MDFIC: variants seen among roughly 807,000 people sequenced by gnomAD.
MDFIC encodes the protein myoD family inhibitor domain-containing protein.
A neutral mutation model predicts 23.2 loss-of-function variants in MDFIC; 17 were observed. The observed-to-expected ratio is 0.73, with a 90% confidence interval of 0.50 to 1.10. MDFIC has a LOEUF of 1.10. Among genes scored for constraint, MDFIC ranks in the 50% least tolerant of loss-of-function variants. The pLI is 0.00. For missense variants in MDFIC, 356 were observed against 316.6 expected, an observed-to-expected ratio of 1.12 and a Z score of -0.95; for synonymous variants, 120 against 115.2, an observed-to-expected ratio of 1.04 and a Z score of -0.27.
intron 3 of MDFIC, among the ~76,000 whole-genome samples, chr7:114,977,053 T>C (rs1793330278): frequency 6.6e-6 from 1 of 152,156 alleles, no homozygotes. Flanking sequence ...AAAAGACTAA[T>C]TAAAACAGTA....
At chr7:114,976,825 C>T (rs917631566) in intron 3 of MDFIC, among the ~76,000 whole-genome samples, 5 of 151,896 alleles carry the variant, frequency 3.3e-5, no homozygotes, top group East Asian at 1.9e-4. Flanking sequence ...TAAACAATGG[C>T]TTACTAAAGA....
intron 4 of MDFIC, among the ~76,000 whole-genome samples, chr7:114,996,114 C>A (rs767226760): frequency 8.5e-5 from 13 of 152,178 alleles, no homozygotes; most frequent in Non-Finnish European, 1.9e-4. Context: ...CAGGCTATGG[C>A]AGATGGCTGA....
At chr7:114,954,316 C>G (rs1450876238) in intron 3 of MDFIC, among the ~76,000 whole-genome samples, 1 of 152,206 alleles carries the variant, frequency 6.6e-6, no homozygotes, top group Non-Finnish European at 1.5e-5. Context: ...CTTGTCTTCA[C>G]CTGACTGTTT....
intron 4 of MDFIC, among the ~76,000 whole-genome samples, chr7:115,006,935 G>GTTTTTGC (rs142192123): frequency 3.3e-5 from 5 of 152,170 alleles, no homozygotes; most frequent in African/African-American, 7.2e-5. Flanking sequence ...GTAAAGTATA[G>GTTTTTGC]TTTCTAGCTT....
chr7:114,989,838 G>C (rs1038199534), intron 4 of MDFIC, among the ~76,000 whole-genome samples: 1 of 152,130 alleles, frequency 6.6e-6, no homozygotes, highest in African/African-American at 2.4e-5. Flanking sequence ...CATTTATTGA[G>C]TTTGAATGGA....
rs543600080 is a variant in MDFIC at position 115,005,188 on chromosome 7, G to A, written c.494-10500G>A. Among the ~76,000 whole-genome samples, 18 of 152,254 alleles carry A rather than the reference G, an allele frequency of 1.2e-4. No homozygotes were observed. In the South Asian group the frequency reaches 3.7e-3, roughly 32 times the overall value. ...TATGTGTATCGACACCAAATGAAATGACCTGTTCAAGATATTCACTCAGGC... is the reference window on the plus strand; with the variant it reads ...TATGTGTATCGACACCAAATGAAATAACCTGTTCAAGATATTCACTCAGGC... On this transcript the variant is annotated intron_variant, in intron 4 of 4. Transcript: ENST00000393486.
intron 3 of MDFIC, among the ~76,000 whole-genome samples, chr7:114,943,855 T>C (rs1485135473): frequency 6.6e-6 from 1 of 152,154 alleles, no homozygotes; most frequent in Non-Finnish European, 1.5e-5. Context: ...TGTGCTTCAT[T>C]TAATTGGTTT....
At chr7:114,934,929 T>A (rs1404654408) in intron 2 of MDFIC, among the ~76,000 whole-genome samples, 1 of 152,114 alleles carries the variant, frequency 6.6e-6, no homozygotes, top group Non-Finnish European at 1.5e-5. Flanking sequence ...GTTTTTTTGT[T>A]TTTTTTGTTT....
At chr7:115,001,874 C>A (rs540522419) in intron 4 of MDFIC, among the ~76,000 whole-genome samples, 9 of 152,288 alleles carry the variant, frequency 5.9e-5, no homozygotes, top group African/African-American at 2.2e-4. Context: ...CACTGACTTA[C>A]AACTGTAATC....
intron 2 of MDFIC, among the ~76,000 whole-genome samples, chr7:114,928,861 G>C (rs571857625): frequency 5.9e-5 from 9 of 152,164 alleles, no homozygotes; most frequent in Non-Finnish European, 1.3e-4. Flanking sequence ...GGCAGCACCA[G>C]TAGGAGTAAA....
chr7:114,943,585 G>A (rs1792589229), intron 3 of MDFIC, among the ~76,000 whole-genome samples: 3 of 152,082 alleles, frequency 2.0e-5, no homozygotes, highest in Admixed American at 6.5e-5. Context: ...GATTTATATA[G>A]CTTTATCCAA....
At chr7:114,977,559 C>A (rs2115949278) in intron 3 of MDFIC, among the ~76,000 whole-genome samples, 1 of 152,278 alleles carries the variant, frequency 6.6e-6, no homozygotes, top group Non-Finnish European at 1.5e-5. Context: ...TCTCTTCTGG[C>A]AGAACTTAGG....
intron 3 of MDFIC, among the ~76,000 whole-genome samples, chr7:114,961,955 C>T (rs767316995): frequency 3.3e-5 from 5 of 152,108 alleles, no homozygotes; most frequent in Non-Finnish European, 7.4e-5. Context: ...ATACCTTCCA[C>T]CCTCTCTTAC....
chr7:114,992,872 T>C (rs1159608114), intron 4 of MDFIC, among the ~76,000 whole-genome samples: 1 of 152,180 alleles, frequency 6.6e-6, no homozygotes, highest in African/African-American at 2.4e-5. Flanking sequence ...ATAAAATGAG[T>C]TAGGGAGGAT....
At chr7:114,928,852 G>C (rs1792248405) in intron 2 of MDFIC, among the ~76,000 whole-genome samples, 1 of 152,164 alleles carries the variant, frequency 6.6e-6, no homozygotes, top group East Asian at 1.9e-4. Flanking sequence ...AGGACTTAGG[G>C]CAGCACCAGT....
chr7:114,976,864 T>C (rs1053257263), intron 3 of MDFIC, among the ~76,000 whole-genome samples: 30 of 152,256 alleles, frequency 2.0e-4, no homozygotes, highest in Non-Finnish European at 1.6e-4. Context: ...GTCTTTTTTT[T>C]TTCTGAAAAA....
At chr7:114,949,145 T>C (rs1002884493) in intron 3 of MDFIC, among the ~76,000 whole-genome samples, 3 of 152,216 alleles carry the variant, frequency 2.0e-5, no homozygotes, top group South Asian at 4.1e-4. Flanking sequence ...TTCACTTTTA[T>C]TATATTCTAT....
chr7:114,975,203 C>A (rs1412866165), intron 3 of MDFIC, among the ~76,000 whole-genome samples: 1 of 151,980 alleles, frequency 6.6e-6, no homozygotes, highest in African/African-American at 2.4e-5. Context: ...CAAAAAGTTT[C>A]TTTGTACCTT....
intron 4 of MDFIC, among the ~76,000 whole-genome samples, chr7:114,987,453 A>G (rs1418616310): frequency 6.6e-6 from 1 of 152,182 alleles, no homozygotes; most frequent in Non-Finnish European, 1.5e-5. Context: ...CTTTGGAAAG[A>G]TATGTCACTG....
Sources: gnomAD v4.1 joint callset for allele counts (sites outside exome capture counted in the v4.1 genomes callset) on GRCh38, gnomAD v4.1.1 for gene constraint, MANE v1.5 for transcripts, NCBI Gene and HGNC (gene_info 2026-07-23, HGNC 2026-07-21) for gene names.